Variants in SUMF1 observed in about 807,000 individuals in gnomAD.
The protein encoded by SUMF1 is formylglycine-generating enzyme.
SUMF1 carries 48 observed loss-of-function variants against 47.6 expected under a neutral mutation model. The observed-to-expected ratio is 1.01, with a 90% CI of 0.80 to 1.28. The LOEUF (loss-of-function observed/expected upper bound fraction) is 1.28. Among genes scored for constraint, SUMF1 ranks in the 50% most tolerant of loss-of-function variants. SUMF1 has a pLI of 0.00. For missense variants in SUMF1, 571 were observed against 485.4 expected (o/e 1.18, Z -1.66); for synonymous variants, 230 against 192.1 (o/e 1.20, Z -1.63).
chr3:4,241,800 G>C (rs1397410451), intron 8 of SUMF1, among the ~76,000 whole-genome samples: 5 of 152,190 alleles, frequency 3.3e-5, no homozygotes, highest in South Asian at 2.1e-4. Context: ...CAACCAAATG[G>C]GACTTCCGGC....
At chr3:4,073,615 G>A (rs529526381) in intron 8 of SUMF1, among the ~76,000 whole-genome samples, 27 of 152,252 alleles carry the variant, frequency 1.8e-4, no homozygotes, top group African/African-American at 6.3e-4. Flanking sequence ...GACACATATA[G>A]GCTCAAAATA....
intron 1 of SUMF1, among the ~76,000 whole-genome samples, chr3:4,453,994 A>G (rs1273353235): frequency 6.6e-6 from 1 of 152,070 alleles, no homozygotes; most frequent in Admixed American, 6.6e-5. Flanking sequence ...TTTTATTCGC[A>G]TATGCTTTTG....
chr3:4,335,968 A>AC lies in SUMF1; in HGVS notation c.1014+40361_1014+40362insG, dbSNP rs1553558762. Among the ~76,000 whole-genome samples the AC allele has an allele frequency of 2.7e-3, 402 of 146,968 alleles. 3 individuals are homozygous for AC. Among genetic ancestry groups the AC allele is most frequent in the Middle Eastern group, 7.0e-3 (2 of 284 alleles). ...TGAGTGAGATTCCAACTCAAAAAAA[A>AC]AAAAAAAAAAAACAGAAAAAACCCC... On this transcript the variant is annotated intron_variant and NMD_transcript_variant, in intron 8 of 12. Coordinates refer to the SUMF1 transcript ENST00000448413.
rs188931537 is a variant in SUMF1 at position 4,431,877 on chromosome 3, C to A, written c.520-11731G>T. On this transcript the variant is annotated intron_variant, in intron 3 of 8. Coordinates refer to ENST00000272902, the MANE Select transcript of SUMF1 (RefSeq NM_182760.4). ...GCTGTCAAAAGTGTCTTGATTTGGA[C>A]AATAAATTATGAAGTCAGTCTATGA... is the stretch of plus-strand genomic sequence containing the variant. Among the ~76,000 whole-genome samples, 269 of 152,216 alleles carry A rather than the reference C, an allele frequency of 1.8e-3. 2 individuals are homozygous for A. The highest frequency in any genetic ancestry group is 6.2e-3 in the African/African-American group (258 of 41,534).
At chr3:4,143,221 C>G (rs908004613) in intron 8 of SUMF1, among the ~76,000 whole-genome samples, 4 of 152,136 alleles carry the variant, frequency 2.6e-5, no homozygotes, top group African/African-American at 9.7e-5. Flanking sequence ...TTCATTAAAA[C>G]AGAAAATGCC....
At chr3:4,395,135 G>T (rs1008799379) in intron 7 of SUMF1, among the ~76,000 whole-genome samples, 1 of 152,014 alleles carries the variant, frequency 6.6e-6, no homozygotes, top group African/African-American at 2.4e-5. Flanking sequence ...TCAGAGAGAT[G>T]AAATAAATGG....
In SUMF1 at chr3:4,182,268, A is replaced by G. The variant is rs541948951; in HGVS notation, c.1015-113523T>C. On this transcript the variant is annotated intron_variant and NMD_transcript_variant, in intron 8 of 12. Transcript: ENST00000448413. ...ATTGTCATTCTCTCAAAAATAAAAT[A>G]TTATGCCTATTCCTAAATACGTTAA... is the stretch of plus-strand genomic sequence containing the variant. 3.3e-5 allele frequency among the ~76,000 whole-genome samples: 5 copies of G among 152,128 alleles called. No homozygotes were observed. The South Asian group carries it at 8.3e-4, about 25-fold the overall frequency.
intron 8 of SUMF1, among the ~76,000 whole-genome samples, chr3:4,284,441 AAGG>A (rs72201582): frequency 0.098 from 8,953 of 91,628 alleles, 1,059 homozygotes; most frequent in African/African-American, 0.27. Context: ...TAAAAAATGA[AAGG>A]AGGAGGAGGA....
chr3:4,463,846 C>T (rs2079873348), intron 1 of SUMF1, among the ~76,000 whole-genome samples: 1 of 152,132 alleles, frequency 6.6e-6, no homozygotes. Flanking sequence ...AAATCATAAC[C>T]CACGCAGAAA....
Position 4,348,487 on chromosome 3 carries a change from G to T in SUMF1, c.1014+27843C>A, listed in dbSNP as rs13326732. On this transcript the variant is annotated intron_variant and NMD_transcript_variant, in intron 8 of 12. Coordinates refer to the SUMF1 transcript ENST00000448413. ...ACTGGCTAGCCATATGCAGAAAACT[G>T]AAAGTGGACCCCTTCCTTACACCTT... Among the ~76,000 whole-genome samples the T allele has an allele frequency of 3.3e-5, 5 of 152,138 alleles. No homozygotes were observed. In the South Asian group the frequency reaches 1.0e-3, roughly 32 times the overall value.
intron 3 of SUMF1, among the ~76,000 whole-genome samples, chr3:4,429,576 T>C (rs1444064071): frequency 1.3e-5 from 2 of 152,224 alleles, no homozygotes; most frequent in African/African-American, 4.8e-5. Flanking sequence ...TCATTTATTA[T>C]TTGTAAAAGA....
At chr3:4,186,153 G>A (rs1209365094) in intron 8 of SUMF1, among the ~76,000 whole-genome samples, 1 of 152,018 alleles carries the variant, frequency 6.6e-6, no homozygotes, top group Non-Finnish European at 1.5e-5. Context: ...TATATCCTTG[G>A]TACCAAGACA....
intron 8 of SUMF1, among the ~76,000 whole-genome samples, chr3:4,326,455 CT>C (rs1197722153): frequency 6.6e-6 from 1 of 151,328 alleles, no homozygotes; most frequent in African/African-American, 2.4e-5. Context: ...ACATTCTCTA[CT>C]TACCACAGGT....
chr3:4,417,880 GA>G, intron 5 of SUMF1, 129 bp downstream of exon 5: 1 of 1,528,242 alleles, frequency 6.5e-7, no homozygotes, highest in South Asian at 1.1e-5. Flanking sequence ...TAATTTCGTG[GA>G]AAAATAAGAA....
intron 8 of SUMF1, among the ~76,000 whole-genome samples, chr3:4,197,711 T>TATA (rs201137249): frequency 0.013 from 2,027 of 152,246 alleles, 53 homozygotes; most frequent in African/African-American, 0.047. Context: ...GATACTCTAT[T>TATA]GTCTATCCAA....
intron 3 of SUMF1, among the ~76,000 whole-genome samples, chr3:4,433,282 G>A (rs1180079350): frequency 1.3e-5 from 2 of 152,168 alleles, no homozygotes; most frequent in Admixed American, 6.5e-5. Context: ...ACATTAAACA[G>A]GTATTTCAAA....
chr3:4,452,756 C>T lies in SUMF1; in HGVS notation c.444+120G>A. The T allele has an allele frequency of 3.3e-6, 4 of 1,208,612 alleles. No homozygotes were observed. In the South Asian group the frequency reaches 3.7e-5, roughly 11 times the overall value. 74.9% of individuals were successfully genotyped at this position (1,208,612 alleles called of 1,614,324 possible). A position where few individuals can be genotyped will look rare whatever the true frequency, so the allele number is the denominator to read the frequency against. The stretch of plus-strand genomic sequence containing the variant: ...AAGATGAAATATATACAATAAAATG[C>T]TTCACACAGTTCTGCCACAGAATGC... On this transcript the variant is annotated intron_variant, in intron 2 of 8. Transcript: ENST00000272902.
In SUMF1 at chr3:4,464,433, A is replaced by T. The variant is rs185647988; in HGVS notation, c.270+2543T>A. ...GTGTTTGTGTGTGTGTGTGTGTGTGAGAGAGAGAGAAACACCTACCAGAGT... is the reference window on the plus strand; with the variant it reads ...GTGTTTGTGTGTGTGTGTGTGTGTGTGAGAGAGAGAAACACCTACCAGAGT... On this transcript the variant is annotated intron_variant, in intron 1 of 8. Coordinates refer to ENST00000272902, the MANE Select transcript of SUMF1 (RefSeq NM_182760.4). 5.8e-3 allele frequency among the ~76,000 whole-genome samples: 842 copies of T among 144,984 alleles called. 7 individuals are homozygous for T. Among genetic ancestry groups the T allele is most frequent in the African/African-American group, 0.02 (772 of 38,122 alleles).
chr3:4,185,350 G>A (rs1695178518), intron 8 of SUMF1, among the ~76,000 whole-genome samples: 1 of 152,132 alleles, frequency 6.6e-6, no homozygotes, highest in African/African-American at 2.4e-5. Context: ...TCCAGCTCCA[G>A]GAGATAACAG....
Sources: gnomAD v4.1 joint callset for allele counts (sites outside exome capture counted in the v4.1 genomes callset) on GRCh38, gnomAD v4.1.1 for gene constraint, MANE v1.5 for transcripts, NCBI Gene and HGNC (gene_info 2026-07-23, HGNC 2026-07-21) for gene names.